Variants in TPO observed in about 807,000 individuals in gnomAD.
TPO encodes thyroid peroxidase.
In TPO, 78 loss-of-function variants were observed where a neutral mutation model predicts 96.9. The observed-to-expected ratio is 0.81, with a 90% CI of 0.67 to 0.97. TPO has a LOEUF of 0.97. Among genes scored for constraint, TPO ranks in the 50% least tolerant of loss-of-function variants. The pLI is 0.00. For missense variants in TPO, 1,252 were observed against 1,274.8 expected, an observed-to-expected ratio of 0.98 and a Z score of 0.27; for synonymous variants, 547 against 538.0, an observed-to-expected ratio of 1.02 and a Z score of -0.23.
chr2:1,438,617 G>T (rs1665840186), intron 5 of TPO, among the ~76,000 whole-genome samples: 1 of 148,094 alleles, frequency 6.8e-6, no homozygotes, highest in South Asian at 2.2e-4. Flanking sequence ...CACGTCAGGG[G>T]GATGATGAAT....
rs1558359732 is a variant in TPO, at chr2:1,494,002, A to T, written c.1969A>T (p.Ile657Phe). Reference protein sequence around the residue: ...ARTGPLFACLIGKQMKALRDG... With the variant: ...ARTGPLFACLFGKQMKALRDG... ...GACAGGGCCCCTGTTTGCCTGTCTC[A>T]TTGGGAAGCAGATGAAGGCTCTGCG... Residue 657 changes from isoleucine to phenylalanine, a missense_variant, in exon 11 of 17, where the codon ATT (isoleucine) becomes TTT (phenylalanine). Coordinates refer to ENST00000329066, the MANE Select transcript of TPO (RefSeq NM_001206744.2). The T allele has an allele frequency of 6.2e-7, 1 of 1,614,080 alleles. No individual in the cohort carries two copies. The highest frequency in any genetic ancestry group is 8.5e-7 in the Non-Finnish European group (1 of 1,179,986).
intron 9 of TPO, among the ~76,000 whole-genome samples, chr2:1,486,394 C>A (rs562065609): frequency 6.6e-6 from 1 of 151,870 alleles, no homozygotes; most frequent in African/African-American, 2.4e-5. Context: ...AAACATTAGC[C>A]GTGTGTGGTG....
At chr2:1,523,483 G>A (rs1339444681) in intron 15 of TPO, among the ~76,000 whole-genome samples, 1 of 86,122 alleles carries the variant, frequency 1.2e-5, no homozygotes, top group Non-Finnish European at 2.3e-5. Flanking sequence ...CCCACTCTAT[G>A]CAAACTCCCC....
chr2:1,409,266 T>G (rs548269908), upstream of TPO, among the ~76,000 whole-genome samples: 5 of 152,334 alleles, frequency 3.3e-5, no homozygotes, highest in South Asian at 8.3e-4. Flanking sequence ...GAGCTTTTTG[T>G]GGTGTGAGAG....
At chr2:1,484,907 T>C in intron 9 of TPO, 53 bp downstream of exon 9, 2 of 1,603,800 alleles carry the variant, frequency 1.2e-6, no homozygotes, top group Non-Finnish European at 1.7e-6. Flanking sequence ...CCTTCTTTTT[T>C]TAATTTTTTT....
intron 7 of TPO, among the ~76,000 whole-genome samples, chr2:1,469,347 G>C (rs1269125668): frequency 6.6e-6 from 1 of 152,176 alleles, no homozygotes; most frequent in Non-Finnish European, 1.5e-5. Flanking sequence ...CTGTCAGAGG[G>C]AAGGTCTAGG....
chr2:1,418,039 T>G (rs1277325473), intron 2 of TPO, among the ~76,000 whole-genome samples: 1 of 151,994 alleles, frequency 6.6e-6, no homozygotes, highest in Non-Finnish European at 1.5e-5. Context: ...TCCCAACACT[T>G]TGGGAGGCCG....
intron 15 of TPO, among the ~76,000 whole-genome samples, chr2:1,521,183 C>T (rs1450480844): frequency 6.6e-6 from 1 of 152,154 alleles, no homozygotes; most frequent in Admixed American, 6.5e-5. Flanking sequence ...CATTAATTTC[C>T]AGCAAATCCA....
intron 3 of TPO, among the ~76,000 whole-genome samples, chr2:1,424,258 T>C (rs143550233): frequency 2.1e-3 from 322 of 152,156 alleles, no homozygotes; most frequent in Middle Eastern, 0.014. Context: ...GGAATTATTA[T>C]CAGTAGGACG....
intron 7 of TPO, among the ~76,000 whole-genome samples, chr2:1,458,235 G>A (rs1443939567): frequency 6.6e-6 from 1 of 151,778 alleles, no homozygotes; most frequent in Non-Finnish European, 1.5e-5. Context: ...GTGGGCACAT[G>A]TGTATATAGG....
intron 14 of TPO, among the ~76,000 whole-genome samples, chr2:1,515,266 C>A (rs1674567398): frequency 6.6e-6 from 1 of 152,220 alleles, no homozygotes; most frequent in Admixed American, 6.5e-5. Flanking sequence ...AACAAGAACC[C>A]AGCCTCTTTC....
chr2:1,481,603 G>A (rs375929844), intron 8 of TPO, among the ~76,000 whole-genome samples: 2 of 152,122 alleles, frequency 1.3e-5, no homozygotes, highest in African/African-American at 2.4e-5. Context: ...TCGGGGCAGG[G>A]GCTGCATCCC....
In TPO at chr2:1,477,541, T is replaced by G; in HGVS notation, c.1275T>G (p.Asn425Lys). 6.5e-7 allele frequency: 1 copy of G among 1,536,008 alleles called. No homozygotes were observed. The highest frequency in any genetic ancestry group is 1.2e-5 in the South Asian group (1 of 84,014). The change falls in exon 8 of 17, where the codon AAT becomes AAG. Residue 425 changes from asparagine (N) to lysine (K), a missense_variant. Coordinates refer to ENST00000329066, the MANE Select transcript of TPO (RefSeq NM_001206744.2). ...NRLAAALKALNAHWSADAVYQ... is the reference protein window; with the variant it reads ...NRLAAALKALKAHWSADAVYQ... ...TGGCCGCGGCGCTCAAGGCCCTCAA[T>G]GCGCACTGGAGCGCGGACGCCGTGT...
chr2:1,412,966 G>A (rs943819552), upstream of TPO, among the ~76,000 whole-genome samples: 1 of 152,080 alleles, frequency 6.6e-6, no homozygotes, highest in Admixed American at 6.5e-5. Context: ...ACTGAACTGT[G>A]CTCATTTTTC....
chr2:1,470,153 T>A (rs1669260602), intron 7 of TPO, among the ~76,000 whole-genome samples: 1 of 152,180 alleles, frequency 6.6e-6, no homozygotes, highest in South Asian at 2.1e-4. Context: ...AAGAAGAAAA[T>A]CTTGAATTTT....
intron 7 of TPO, among the ~76,000 whole-genome samples, chr2:1,468,716 G>C (rs1452117436): frequency 3.3e-5 from 5 of 152,194 alleles, no homozygotes; most frequent in Non-Finnish European, 5.9e-5. Context: ...GAATTCTCCA[G>C]GTGTTCTTTG....
At chr2:1,448,683 G>A (rs956834861) in intron 5 of TPO, among the ~76,000 whole-genome samples, 13 of 152,182 alleles carry the variant, frequency 8.5e-5, no homozygotes, top group Admixed American at 1.3e-4. Flanking sequence ...AGCAGTGGTC[G>A]GAGGCTCCTG....
intron 5 of TPO, among the ~76,000 whole-genome samples, chr2:1,450,951 T>C (rs1420641588): frequency 4.6e-5 from 7 of 152,198 alleles, no homozygotes; most frequent in Non-Finnish European, 7.3e-5. Context: ...CCATACATTT[T>C]TGCAAATTGA....
intron 13 of TPO, chr2:1,503,697 G>A (rs1673102607): frequency 1.4e-6 from 1 of 698,678 alleles, no homozygotes; most frequent in Admixed American, 2.1e-5. Context: ...CTGTGACTCG[G>A]GCCTGAGTGA....
Sources: gnomAD v4.1 joint callset for allele counts (sites outside exome capture counted in the v4.1 genomes callset) on GRCh38, gnomAD v4.1.1 for gene constraint, MANE v1.5 for transcripts, NCBI Gene and HGNC (gene_info 2026-07-23, HGNC 2026-07-21) for gene names.